Variants in IL1RAPL2 observed in about 807,000 individuals in gnomAD.
The protein encoded by IL1RAPL2 is X-linked interleukin-1 receptor accessory protein-like 2.
Under a neutral mutation model 44.1 loss-of-function variants are expected in IL1RAPL2, and 3 were observed. The observed-to-expected ratio is 0.07, with a 90% CI of 0.03 to 0.18. The LOEUF (loss-of-function observed/expected upper bound fraction) is 0.18. Among genes scored for constraint, IL1RAPL2 ranks in the 10% least tolerant of loss-of-function variants. The pLI is 1.00. For missense variants in IL1RAPL2, 391 were observed against 496.4 expected (o/e 0.79, Z 2.02); for synonymous variants, 181 against 178.8 (o/e 1.01, Z -0.10).
intron 5 of IL1RAPL2, among the ~76,000 whole-genome samples, chrX:105,384,095 A>G (rs758385659): frequency 1.8e-5 from 2 of 110,978 alleles, no homozygotes; most frequent in African/African-American, 6.5e-5. Flanking sequence ...TTTGCTGTGC[A>G]GAAGCTTCTT....
chrX:105,490,068 TC>T (rs1744121901), intron 6 of IL1RAPL2, among the ~76,000 whole-genome samples: 1 of 111,077 alleles, frequency 9.0e-6, no homozygotes. Context: ...ACTCAGGTGA[TC>T]CACCAGCCTC....
intron 2 of IL1RAPL2, among the ~76,000 whole-genome samples, chrX:104,677,938 C>G (rs2066681180): frequency 8.9e-6 from 1 of 112,578 alleles, no homozygotes; most frequent in Non-Finnish European, 1.9e-5. Context: ...TGAGGCAATG[C>G]CTCACCCTGC....
intron 8 of IL1RAPL2, among the ~76,000 whole-genome samples, chrX:105,745,635 C>G (rs2147580295): frequency 9.0e-6 from 1 of 111,303 alleles, no homozygotes; most frequent in South Asian, 3.8e-4. Flanking sequence ...TATGAAAGTT[C>G]TACCCTCATG....
At chrX:105,018,853 G>A (rs2031234061) in intron 2 of IL1RAPL2, among the ~76,000 whole-genome samples, 1 of 111,197 alleles carries the variant, frequency 9.0e-6, no homozygotes, top group Non-Finnish European at 1.9e-5. Flanking sequence ...CAAGGCCCTT[G>A]TTTTTTTCTA....
intron 2 of IL1RAPL2, among the ~76,000 whole-genome samples, chrX:104,755,566 C>T (rs991575745): frequency 1.8e-5 from 2 of 110,416 alleles, no homozygotes; most frequent in Non-Finnish European, 3.8e-5. Context: ...AGATGCTCTG[C>T]CCCCAAGTTC....
At chrX:105,355,064 G>C (rs916304405) in intron 5 of IL1RAPL2, among the ~76,000 whole-genome samples, 1 of 111,380 alleles carries the variant, frequency 9.0e-6, no homozygotes, top group Admixed American at 9.6e-5. Context: ...TTCTTCCACT[G>C]AACTGCTACA....
rs1395303919 is a variant in IL1RAPL2 at position 105,408,702 on chromosome X, T to A, written c.698-75611T>A. Among the ~76,000 whole-genome samples, 3 of 111,723 alleles carry A rather than the reference T, an allele frequency of 2.7e-5. No homozygotes were observed. The East Asian group carries it at 8.4e-4, about 31-fold the overall frequency. ...TATGCCTAAATTATATTTAAATCAT[T>A]TCACTCTGTACTATATTTTCAGGAA... On this transcript the variant is annotated intron_variant, in intron 5 of 10. Coordinates refer to ENST00000372582, the MANE Select transcript of IL1RAPL2 (RefSeq NM_017416.2).
chrX:104,856,768 A>G (rs1214288301), intron 2 of IL1RAPL2, among the ~76,000 whole-genome samples: 4 of 112,218 alleles, frequency 3.6e-5, no homozygotes, highest in Non-Finnish European at 7.5e-5. Flanking sequence ...AACTAAATTA[A>G]TATATGCATT....
In IL1RAPL2 at chrX:104,946,379, C is replaced by CAAAA. The variant is rs1157603029; in HGVS notation, c.83-249069_83-249066dup. 4.2e-3 allele frequency among the ~76,000 whole-genome samples: 38 copies of CAAAA among 9,140 alleles called. 6 individuals carry two copies. The highest frequency in any genetic ancestry group is 0.014 in the African/African-American group (24 of 1,745). The allele number at this position is 9,140 out of a possible 115,157, so 7.9% of individuals were successfully genotyped here. A position where few individuals can be genotyped will look rare whatever the true frequency, so the allele number is the denominator to read the frequency against. ...TGGGCGACAGAGCAAGACTCCGTCT[C>CAAAA]AAAAAAAAAAAAAAAAAAAAAAAAA... is the stretch of plus-strand genomic sequence containing the variant. On this transcript the variant is annotated intron_variant, in intron 2 of 10. Transcript: ENST00000372582.
chrX:105,049,448 A>C (rs779205495), intron 2 of IL1RAPL2, among the ~76,000 whole-genome samples: 4 of 111,242 alleles, frequency 3.6e-5, no homozygotes, highest in Non-Finnish European at 7.5e-5. Flanking sequence ...TGGTATTTGC[A>C]AGTCAATGGC....
At chrX:105,022,024 T>C (rs2031289532) in intron 2 of IL1RAPL2, among the ~76,000 whole-genome samples, 1 of 110,939 alleles carries the variant, frequency 9.0e-6, no homozygotes, top group African/African-American at 3.3e-5. Context: ...TGTATACTTC[T>C]GAACCCTCTG....
At chrX:104,642,987 A>G (rs1340199577) in intron 1 of IL1RAPL2, among the ~76,000 whole-genome samples, 1 of 111,869 alleles carries the variant, frequency 8.9e-6, no homozygotes, top group Non-Finnish European at 1.9e-5. Context: ...GTATTTTCTG[A>G]GATAGGTAAT....
intron 5 of IL1RAPL2, among the ~76,000 whole-genome samples, chrX:105,468,946 A>G (rs1439359649): frequency 3.6e-5 from 4 of 111,901 alleles, no homozygotes; most frequent in African/African-American, 1.3e-4. Context: ...TACATTTAAT[A>G]GGAAAAAAAT....
At chrX:105,678,339 G>T (rs1336589470) in intron 6 of IL1RAPL2, among the ~76,000 whole-genome samples, 1 of 111,900 alleles carries the variant, frequency 8.9e-6, no homozygotes, top group African/African-American at 3.2e-5. Flanking sequence ...TATTTCCTTT[G>T]TGTTACAAAC....
chrX:105,195,548 A>T lies in IL1RAPL2; in HGVS notation c.156A>T (p.Lys52Asn). Residue 52 changes from lysine (K) to asparagine (N), a missense_variant, in exon 3 of 11, where the codon AAA (lysine) becomes AAT (asparagine). Coordinates refer to ENST00000372582, the MANE Select transcript of IL1RAPL2 (RefSeq NM_017416.2). ...TGGCAGGTGAACCAGTCCGAGTGAA[A>T]TGTGCCCTTTTCTACAGTTATATTC... Reference protein sequence around the residue: ...MALAGEPVRVKCALFYSYIRT... With the variant: ...MALAGEPVRVNCALFYSYIRT... 4 of 1,211,491 alleles carry T rather than the reference A, an allele frequency of 3.3e-6. No individual in the cohort carries two copies. Among genetic ancestry groups the T allele is most frequent in the Non-Finnish European group, 4.5e-6 (4 of 895,028 alleles).
In IL1RAPL2 at chrX:105,075,247, A is replaced by T. The variant is rs1031639530; in HGVS notation, c.83-120228A>T. On this transcript the variant is annotated intron_variant, in intron 2 of 10. Coordinates refer to ENST00000372582, the MANE Select transcript of IL1RAPL2 (RefSeq NM_017416.2). ...ACCTAATTTCTGGAGAGTTTTTAGC[A>T]TGAAGGGTTGTTGAATTTTGTCAAA... Among the ~76,000 whole-genome samples the T allele has an allele frequency of 8.9e-5, 10 of 111,921 alleles. No individual in the cohort carries two copies. The East Asian group carries it at 2.0e-3, about 22-fold the overall frequency.
At chrX:105,754,412 C>T (rs1353201379) in intron 9 of IL1RAPL2, among the ~76,000 whole-genome samples, 1 of 81 alleles carries the variant, frequency 0.012, no homozygotes, top group East Asian at 0.25. Context: ...TGAGCCAATA[C>T]AGCAAAAAGA....
At chrX:105,257,202 G>A (rs779992260) in intron 4 of IL1RAPL2, among the ~76,000 whole-genome samples, 1 of 111,780 alleles carries the variant, frequency 8.9e-6, no homozygotes, top group South Asian at 3.7e-4. Flanking sequence ...TTACCCACGA[G>A]TCATTCCAGA....
At chrX:104,945,600 G>A (rs369046553) in intron 2 of IL1RAPL2, among the ~76,000 whole-genome samples, 19 of 111,902 alleles carry the variant, frequency 1.7e-4, no homozygotes, top group African/African-American at 5.8e-4. Context: ...GGCAATGCGT[G>A]TCTTTACAAA....
Sources: allele counts gnomAD v4.1 joint callset (sites outside exome capture counted in the v4.1 genomes callset), GRCh38; gene constraint gnomAD v4.1.1; transcripts MANE v1.5; gene names NCBI Gene and HGNC (gene_info 2026-07-23, HGNC 2026-07-21).